TSPAN9: variants seen among roughly 807,000 people sequenced by gnomAD.
TSPAN9 encodes tetraspanin 9.
TSPAN9 carries 16 observed loss-of-function variants against 31.0 expected under a neutral mutation model. The observed-to-expected ratio is 0.52, with a 90% CI of 0.35 to 0.78. The LOEUF is 0.78. TSPAN9 is among the 30% of genes least tolerant of loss of function. The probability of loss-of-function intolerance (pLI) is 0.01; values close to 1 mark genes in which losing one functional copy is unlikely to be tolerated. For missense variants in TSPAN9, 272 were observed against 312.5 expected (o/e 0.87, Z 0.98); for synonymous variants, 145 against 121.6 (o/e 1.19, Z -1.27).
intron 2 of TSPAN9, among the ~76,000 whole-genome samples, chr12:3,144,858 G>C (rs910058152): frequency 6.6e-6 from 1 of 152,228 alleles, no homozygotes; most frequent in Non-Finnish European, 1.5e-5. Flanking sequence ...GGCAAAATTA[G>C]AACCCAAAAA....
At chr12:3,171,171 C>T (rs773678066) in intron 2 of TSPAN9, among the ~76,000 whole-genome samples, 9 of 152,056 alleles carry the variant, frequency 5.9e-5, no homozygotes, top group Non-Finnish European at 8.8e-5. Flanking sequence ...CTGCCCCTGC[C>T]CAGTCCTATC....
intron 3 of TSPAN9, among the ~76,000 whole-genome samples, chr12:3,273,826 A>G (rs1307662755): frequency 6.6e-6 from 1 of 152,066 alleles, no homozygotes; most frequent in African/African-American, 2.4e-5. Flanking sequence ...TTCATGGCCA[A>G]CCTGTCTCTG....
At chr12:3,146,923 A>C (rs1565592526) in intron 2 of TSPAN9, among the ~76,000 whole-genome samples, 1 of 152,076 alleles carries the variant, frequency 6.6e-6, no homozygotes, top group Non-Finnish European at 1.5e-5. Flanking sequence ...TGTGACACTT[A>C]CAAGCTTGCA....
intron 2 of TSPAN9, among the ~76,000 whole-genome samples, chr12:3,178,571 G>A (rs901646690): frequency 1.8e-4 from 27 of 152,210 alleles, no homozygotes; most frequent in Admixed American, 1.2e-3. Flanking sequence ...GATTATAGGC[G>A]TGAGCCACTG....
chr12:3,250,046 C>T (rs1470090464), intron 3 of TSPAN9, among the ~76,000 whole-genome samples: 1 of 152,160 alleles, frequency 6.6e-6, no homozygotes, highest in East Asian at 1.9e-4. Flanking sequence ...CAGCAGTCCA[C>T]CCATCGGGCA....
At chr12:3,241,963 G>A (rs1292091130) in intron 3 of TSPAN9, among the ~76,000 whole-genome samples, 1 of 152,232 alleles carries the variant, frequency 6.6e-6, no homozygotes, top group Non-Finnish European at 1.5e-5. Flanking sequence ...TCGCCCTAGA[G>A]AAAGAGAAGT....
chr12:3,245,634 C>A (rs1862108650), intron 3 of TSPAN9, among the ~76,000 whole-genome samples: 2 of 152,158 alleles, frequency 1.3e-5, no homozygotes, highest in African/African-American at 4.8e-5. Flanking sequence ...TCGGAAGAAT[C>A]AGAGCCACCA....
At chr12:3,186,576 G>GTGTGTA (rs386375427) in intron 2 of TSPAN9, among the ~76,000 whole-genome samples, 1 of 146,254 alleles carries the variant, frequency 6.8e-6, no homozygotes, top group African/African-American at 2.5e-5. Context: ...GTGTGTGTGT[G>GTGTGTA]TATACACACA....
chr12:3,080,500 A>G (rs754656332), intron 1 of TSPAN9, among the ~76,000 whole-genome samples: 1 of 151,858 alleles, frequency 6.6e-6, no homozygotes, highest in Non-Finnish European at 1.5e-5. Context: ...ACCCTCGGCT[A>G]AATTTTGTAT....
intron 3 of TSPAN9, among the ~76,000 whole-genome samples, chr12:3,226,953 A>G (rs2153975635): frequency 6.7e-6 from 1 of 150,348 alleles, no homozygotes; most frequent in Non-Finnish European, 1.5e-5. Context: ...TTCCAACAGT[A>G]TCCTTGATGG....
rs547663029 is a variant in TSPAN9, at chr12:3,182,023, T to A, written c.-17-19154T>A. On this transcript the variant is annotated intron_variant, in intron 2 of 8. Coordinates refer to ENST00000011898, the MANE Select transcript of TSPAN9 (RefSeq NM_006675.5). ...AGGCCTGTGTGCCTTGGGAGGGGGC[T>A]TTGAGGTCTTTGGAGGGCCCGTGTG... Among the ~76,000 whole-genome samples the A allele has an allele frequency of 2.0e-5, 3 of 152,072 alleles. No individual in the cohort carries two copies. The South Asian group carries it at 6.2e-4, about 32-fold the overall frequency.
chr12:3,086,045 G>T (rs2098300285), intron 2 of TSPAN9, among the ~76,000 whole-genome samples: 1 of 152,208 alleles, frequency 6.6e-6, no homozygotes, highest in Non-Finnish European at 1.5e-5. Context: ...CGTGCCTGAG[G>T]CAGTGAGGAG....
rs1863009959 is a variant in TSPAN9, at chr12:3,286,093, C to T, written c.*2977C>T. 6.5e-6 allele frequency: 1 copy of T among 152,768 alleles called. No individual in the cohort carries two copies. The highest frequency in any genetic ancestry group is 6.5e-5 in the Admixed American group (1 of 15,284). The allele number at this position is 152,768 out of a possible 1,614,324, so 9.5% of individuals were successfully genotyped here. ...CAGGCTTTGGTGGCCCAAGAGCAGT[C>T]TGGGTGGATGGAAGTGGCTGTCCCC... On this transcript the variant is annotated 3_prime_UTR_variant, in exon 9 of 9. Transcript: ENST00000011898. The surrounding 1 kb of genome is among the most constrained non-coding windows in gnomAD (Gnocchi z 4.1).
chr12:3,250,477 G>T (rs758993835), intron 3 of TSPAN9, among the ~76,000 whole-genome samples: 2 of 152,180 alleles, frequency 1.3e-5, no homozygotes, highest in Non-Finnish European at 2.9e-5. Flanking sequence ...TGCCTCTTGG[G>T]TGTCTGGTGT....
intron 3 of TSPAN9, among the ~76,000 whole-genome samples, chr12:3,241,889 C>T (rs2098396751): frequency 6.6e-6 from 1 of 152,216 alleles, no homozygotes; most frequent in African/African-American, 2.4e-5. Context: ...CTCCCCTGCC[C>T]CCTCCCCACC....
Position 3,282,949 on chromosome 12 carries a change from G to A in TSPAN9, c.649-96G>A, listed in dbSNP as rs553747007. 1.3e-4 allele frequency: 164 copies of A among 1,262,558 alleles called. No individual in the cohort carries two copies. In the African/African-American group the frequency reaches 2.3e-3, roughly 18 times the overall value. 78.2% of individuals were successfully genotyped at this position (1,262,558 alleles called of 1,614,324 possible). On this transcript the variant is annotated intron_variant, in intron 8 of 8. Transcript: ENST00000011898. ...GGCACACCAGTGGCCATCCCCGCTT[G>A]CTCTAGGTGCCCTGTGACATCCCAA...
At chr12:3,177,519 G>A (rs568812591) in intron 2 of TSPAN9, among the ~76,000 whole-genome samples, 1 of 150,784 alleles carries the variant, frequency 6.6e-6, no homozygotes, top group Non-Finnish European at 1.5e-5. Context: ...TGCACTCTCC[G>A]CCTCCTGGTT....
chr12:3,281,698 G>T, intron 7 of TSPAN9, 36 bp from the exon 8 acceptor site: 1 of 1,601,412 alleles, frequency 6.2e-7, no homozygotes, highest in South Asian at 1.1e-5. Context: ...CGCATGCTTG[G>T]GCTGGGACCC....
intron 2 of TSPAN9, among the ~76,000 whole-genome samples, chr12:3,129,079 C>A (rs1392899890): frequency 6.6e-6 from 1 of 152,216 alleles, no homozygotes; most frequent in African/African-American, 2.4e-5. Context: ...TTCATCCATG[C>A]TGTAGCCTGT....
Sources: gnomAD v4.1 joint callset for allele counts (sites outside exome capture counted in the v4.1 genomes callset) on GRCh38, gnomAD v4.1.1 for gene constraint, Gnocchi (gnomAD v3.1) non-coding constraint, MANE v1.5 for transcripts, NCBI Gene and HGNC (gene_info 2026-07-23, HGNC 2026-07-21) for gene names.